The following ADPRHL1 variants were observed in gnomAD, a reference collection of about 807,000 sequenced individuals.
ADPRHL1 encodes ADP-ribosylhydrolase like 1, also known as inactive ADP-ribosyltransferase ARH2.
ADPRHL1 carries 43 observed loss-of-function variants against 44.1 expected under a neutral mutation model. The ratio of observed to expected loss-of-function variants is 0.98; its 90% CI spans 0.76 to 1.26. ADPRHL1 has a LOEUF of 1.26. ADPRHL1 is among the 50% of genes most tolerant of loss of function. ADPRHL1 has a pLI of 0.00. For missense variants in ADPRHL1, 2,022 were observed against 2,496.9 expected (o/e 0.81, Z 4.05); for synonymous variants, 878 against 1,017.4 (o/e 0.86, Z 2.61).
intron 3 of ADPRHL1, among the ~76,000 whole-genome samples, chr13:113,431,140 G>A (rs1050745337): frequency 6.6e-6 from 1 of 152,220 alleles, no homozygotes; most frequent in Non-Finnish European, 1.5e-5. Flanking sequence ...ATTGGCCAGA[G>A]GCAGGCTCTG....
Position 113,424,230 on chromosome 13 carries a change from GGCCCGGTGACACAGCTCA to G in ADPRHL1, c.876_893del (p.Glu293_Ala298del), listed in dbSNP as rs756515875. 6.2e-7 allele frequency: 1 copy of G among 1,612,804 alleles called. No homozygotes were observed. The highest frequency in any genetic ancestry group is 8.5e-7 in the Non-Finnish European group (1 of 1,179,826). The stretch of plus-strand genomic sequence containing the variant: ...GGAACATCTCACCTCCATGAAACAT[GGCCCGGTGACACAGCTCA>G]GTCCAGCTGTTTCCTGCTGCAAGGA... On this transcript the variant is annotated inframe_deletion, in exon 6 of 8. Transcript: ENST00000612156.
chr13:113,448,087 G>T (rs1352560434), intron 1 of ADPRHL1, among the ~76,000 whole-genome samples: 1 of 152,324 alleles, frequency 6.6e-6, no homozygotes, highest in Non-Finnish European at 1.5e-5. Context: ...GCGAGAAACA[G>T]ATTTTCAAAG....
chr13:113,439,510 T>G (rs949377549), intron 2 of ADPRHL1, among the ~76,000 whole-genome samples: 2 of 151,338 alleles, frequency 1.3e-5, no homozygotes, highest in Non-Finnish European at 2.9e-5. Flanking sequence ...TGCAGTGATG[T>G]GATCTCGGCT....
chr13:113,430,578 G>C (rs1448035037), intron 3 of ADPRHL1, among the ~76,000 whole-genome samples: 1 of 152,224 alleles, frequency 6.6e-6, no homozygotes, highest in Non-Finnish European at 1.5e-5. Flanking sequence ...GACTGCAGCA[G>C]TGGTTGTCGT....
intron 2 of ADPRHL1, among the ~76,000 whole-genome samples, chr13:113,442,807 T>A (rs2044108120): frequency 6.6e-6 from 1 of 152,234 alleles, no homozygotes; most frequent in African/African-American, 2.4e-5. Context: ...TCCTCTGTGC[T>A]GAGGACGCAG....
chr13:113,406,832 G>T lies in ADPRHL1; in HGVS notation c.2450C>A (p.Pro817Gln), dbSNP rs764625981. 9 of 1,231,982 alleles carry T rather than the reference G, an allele frequency of 7.3e-6. No homozygotes were observed. In the African/African-American group the frequency reaches 1.4e-4, roughly 19 times the overall value. 76.3% of individuals were successfully genotyped at this position (1,231,982 alleles called of 1,614,324 possible). ...AGCGTTCAGGGGTGGGATGTGCTCC[G>T]GCACCTTCTGTTCTGGGAAATACTT... ...TQKYFPEQKV[P>Q]EHIPPLNAPS... Residue 817 changes from proline (P) to glutamine (Q), a missense_variant, in exon 8 of 8, where the codon CCG becomes CAG. Transcript: ENST00000612156.
intron 3 of ADPRHL1, among the ~76,000 whole-genome samples, chr13:113,430,742 T>C (rs1341137700): frequency 6.7e-6 from 1 of 149,064 alleles, no homozygotes. Flanking sequence ...GTGGCACCAG[T>C]GGCGGGGGTG....
intron 7 of ADPRHL1, 77 bp downstream of exon 7, chr13:113,422,749 C>T: frequency 2.5e-6 from 4 of 1,579,576 alleles, no homozygotes; most frequent in Non-Finnish European, 3.4e-6. Flanking sequence ...CACCCTCACC[C>T]AGGGGCTGCG....
intron 1 of ADPRHL1, chr13:113,449,038 G>A (rs1367706250): frequency 2.0e-6 from 2 of 986,870 alleles, no homozygotes; most frequent in East Asian, 1.1e-4. Context: ...ATAATGCGCT[G>A]GCAACATGGG....
At position 113,406,220 on chromosome 13, in the gene ADPRHL1, G is replaced by C. The variant is rs1221628839; in HGVS notation, c.3062C>G (p.Ala1021Gly). 8.1e-7 allele frequency: 1 copy of C among 1,232,052 alleles called. No homozygotes were observed. The highest frequency in any genetic ancestry group is 1.0e-6 in the Non-Finnish European group (1 of 988,030). 76.3% of individuals were successfully genotyped at this position (1,232,052 alleles called of 1,614,324 possible). A position where few individuals can be genotyped will look rare whatever the true frequency, so the allele number is the denominator to read the frequency against. Residue 1021 changes from alanine (A) to glycine (G), a missense_variant, in exon 8 of 8, where the codon GCC (alanine) becomes GGC (glycine). This residue lies in a region of ADPRHL1 where 1,221 missense variants were observed against 1,517.8 expected (regional missense o/e 0.80). Transcript: ENST00000612156. ...QNLLRGNTSH[A>G]SSSQQVPSPT... is the part of the protein sequence containing the mutation. The stretch of plus-strand genomic sequence containing the variant: ...GGACGGCACTTGCTGGCTGCTGGAG[G>C]CATGGCTGGTGTTTCCCCTCAGAAG...
At chr13:113,429,711 G>A (rs571322848) in intron 3 of ADPRHL1, among the ~76,000 whole-genome samples, 17 of 152,192 alleles carry the variant, frequency 1.1e-4, no homozygotes, top group Admixed American at 2.0e-4. Context: ...GAGCGACCCC[G>A]CAGAGCTCTG....
intron 7 of ADPRHL1, among the ~76,000 whole-genome samples, chr13:113,419,280 A>AT (rs33995150): frequency 0.16 from 16,603 of 106,222 alleles, 2,026 homozygotes; most frequent in African/African-American, 0.27. Flanking sequence ...TAATTTTTGT[A>AT]TTTTTTTTTT....
At position 113,444,570 on chromosome 13, in the gene ADPRHL1, A is replaced by C. The variant is rs1156564279; in HGVS notation, c.234T>G (p.Asp78Glu). 1 of 1,614,074 alleles carries C rather than the reference A, an allele frequency of 6.2e-7. No individual in the cohort carries two copies. The highest frequency in any genetic ancestry group is 1.1e-5 in the South Asian group (1 of 91,072). The change falls in exon 2 of 8, where the codon GAT becomes GAG. Residue 78 changes from aspartate to glutamate, a missense_variant. By Grantham distance (45) the Asp-to-Glu change is conservative. Coordinates refer to ENST00000612156, the MANE Select transcript of ADPRHL1 (RefSeq NM_001394807.1). ...AGCATCTCACCATCTCCCGGTACAG[A>C]TCATCCAGGCACCAGTAGTCTGCGG... ...ALTTDYWCLDDLYREMVRCYV... is the reference protein window; with the variant it reads ...ALTTDYWCLDELYREMVRCYV...
chr13:113,399,637 T>G lies in ADPRHL1; in HGVS notation c.*3741A>C, dbSNP rs550213790. ...AATGGGAAAGGTATTTTATTTCTTT[T>G]TGAAATTATTTCCAGCTGAATGATG... On this transcript the variant is annotated 3_prime_UTR_variant, in exon 8 of 8. Coordinates refer to ENST00000612156, the MANE Select transcript of ADPRHL1 (RefSeq NM_001394807.1). 6.6e-6 allele frequency: 1 copy of G among 152,106 alleles called. No individual in the cohort carries two copies. 9.4% of individuals were successfully genotyped at this position (152,106 alleles called of 1,614,324 possible).
chr13:113,418,311 T>C (rs530013040), intron 7 of ADPRHL1, among the ~76,000 whole-genome samples: 21 of 152,324 alleles, frequency 1.4e-4, no homozygotes, highest in Non-Finnish European at 2.8e-4. Flanking sequence ...TTAGGGAGCC[T>C]GCAGCAGCAT....
In ADPRHL1 at chr13:113,433,826, G is replaced by C. The variant is rs781679200; in HGVS notation, c.421C>G (p.Leu141Val). The change falls in exon 3 of 8, where the codon CTG (leucine) becomes GTG (valine). Residue 141 changes from leucine (L) to valine (V), a missense_variant. Coordinates refer to ENST00000612156, the MANE Select transcript of ADPRHL1 (RefSeq NM_001394807.1). The part of the protein sequence containing the change: ...GAATKAMCIG[L>V]RYWKPERLET... The stretch of plus-strand genomic sequence containing the variant: ...AGCCGCTCAGGCTTCCAGTACCGCA[G>C]GCCGATGCACATGGCCTTGGTGGCC... 6.3e-7 allele frequency: 1 copy of C among 1,577,120 alleles called. No homozygotes were observed.
chr13:113,448,089 T>A (rs903207252), intron 1 of ADPRHL1, among the ~76,000 whole-genome samples: 4 of 152,142 alleles, frequency 2.6e-5, no homozygotes, highest in African/African-American at 9.7e-5. Context: ...GAGAAACAGA[T>A]TTTCAAAGCT....
intron 6 of ADPRHL1, 85 bp from the exon 7 acceptor site, chr13:113,423,064 G>C: frequency 6.4e-7 from 1 of 1,566,160 alleles, no homozygotes; most frequent in Middle Eastern, 1.7e-4. Context: ...CCCTAAGGTG[G>C]GCCAAACCCC....
chr13:113,409,806 G>A lies in ADPRHL1; in HGVS notation c.1062-1586C>T, dbSNP rs1156786899. Among the ~76,000 whole-genome samples the A allele has an allele frequency of 6.6e-5, 10 of 151,046 alleles. No homozygotes were observed. The highest frequency in any genetic ancestry group is 5.9e-5 in the Non-Finnish European group (4 of 67,886). On this transcript the variant is annotated intron_variant, in intron 7 of 7. Transcript: ENST00000612156. The surrounding 1 kb of genome is among the most constrained non-coding windows in gnomAD (Gnocchi z 4.2). ...TGGGAGGCTGAGGCAGGCGAATGGC[G>A]TGAACCCAGGAGGCAGAGCTTGCAG...
Sources: allele counts gnomAD v4.1 joint callset (sites outside exome capture counted in the v4.1 genomes callset), GRCh38; gene constraint gnomAD v4.1.1; regional missense constraint gnomAD v4.1.1; non-coding constraint Gnocchi (gnomAD v3.1); transcripts MANE v1.5; gene names NCBI Gene and HGNC (gene_info 2026-07-23, HGNC 2026-07-21).